The following CDH17 variants were observed in gnomAD, a reference collection of about 807,000 sequenced individuals.
CDH17 encodes the protein cadherin-17.
Under a neutral mutation model 86.3 loss-of-function variants are expected in CDH17, and 67 were observed. The ratio of observed to expected loss-of-function variants is 0.78; its 90% confidence interval spans 0.64 to 0.95. The LOEUF (loss-of-function observed/expected upper bound fraction) is 0.95. Among genes scored for constraint, CDH17 ranks in the 40% least tolerant of loss-of-function variants. CDH17 has a pLI of 0.00. For missense variants in CDH17, 993 were observed against 1,017.6 expected, an observed-to-expected ratio of 0.98 and a Z score of 0.33; for synonymous variants, 367 against 366.4, an observed-to-expected ratio of 1.00 and a Z score of -0.02.
At position 94,127,440 on chromosome 8, in the gene CDH17, T is replaced by G. The variant is rs757286985; in HGVS notation, c.*800A>C. On this transcript the variant is annotated 3_prime_UTR_variant, in exon 18 of 18. Coordinates refer to ENST00000027335, the MANE Select transcript of CDH17 (RefSeq NM_004063.4). ...AGAATTTCAGCCAAAGAGCAACATG[T>G]CACATTGATTAAAGATGGTTAATGA... The G allele has an allele frequency of 3.9e-5, 6 of 152,218 alleles. No individual in the cohort carries two copies. The highest frequency in any genetic ancestry group is 2.1e-4 in the South Asian group (1 of 4,828). 9.4% of individuals were successfully genotyped at this position (152,218 alleles called of 1,614,324 possible).
intron 15 of CDH17, among the ~76,000 whole-genome samples, chr8:94,143,035 A>T (rs78490787): frequency 0.023 from 3,468 of 152,316 alleles, 126 homozygotes; most frequent in African/African-American, 0.08. Context: ...CTGGTGAATC[A>T]TTTCCAGAAG....
intron 1 of CDH17, among the ~76,000 whole-genome samples, chr8:94,196,457 C>G (rs1011230187): frequency 6.6e-6 from 1 of 152,148 alleles, no homozygotes; most frequent in Non-Finnish European, 1.5e-5. Flanking sequence ...AGAAGCCCAG[C>G]ACTTTGGGAG....
At chr8:94,154,139 C>CA (rs1444297703) in intron 12 of CDH17, among the ~76,000 whole-genome samples, 5 of 152,268 alleles carry the variant, frequency 3.3e-5, no homozygotes, top group Non-Finnish European at 7.4e-5. Context: ...TCCTCCTATA[C>CA]AATTTTTGTC....
chr8:94,134,449 G>A (rs1350604701), intron 15 of CDH17, among the ~76,000 whole-genome samples: 1 of 152,176 alleles, frequency 6.6e-6, no homozygotes, highest in African/African-American at 2.4e-5. Context: ...GTGTAGAGGT[G>A]TTTATAGTAT....
At chr8:94,132,328 C>T (rs1351902589) in intron 15 of CDH17, among the ~76,000 whole-genome samples, 2 of 152,198 alleles carry the variant, frequency 1.3e-5, no homozygotes. Context: ...TCCACATCCT[C>T]TCCTGCAACT....
intron 7 of CDH17, among the ~76,000 whole-genome samples, 181 bp from the exon 8 acceptor site, chr8:94,171,166 G>C (rs1813262562): frequency 6.6e-6 from 1 of 152,050 alleles, no homozygotes; most frequent in African/African-American, 2.4e-5. Flanking sequence ...CCCCCACCAA[G>C]TTATATTGCT....
At chr8:94,206,802 T>C (rs1286483154) in intron 1 of CDH17, among the ~76,000 whole-genome samples, 1 of 152,022 alleles carries the variant, frequency 6.6e-6, no homozygotes, top group Non-Finnish European at 1.5e-5. Flanking sequence ...CCATCATGCC[T>C]GGCTAATTTT....
rs751309904 is a variant in CDH17, at chr8:94,130,880, T to C, written c.2280A>G (p.Leu760=). 7.5e-6 allele frequency: 12 copies of C among 1,595,000 alleles called. No individual in the cohort carries two copies. The Admixed American group carries it at 2.0e-4, about 27-fold the overall frequency. The part of the protein sequence containing the change: ...GRPPLEGIVS[L]PVTFCSCVEG... Reference sequence around the variant, plus strand: ...TGCCTATAGCAGAATATCTACCTGGTAAAGAAACAATGCCTTCCAAGGGTG... The same window carrying C: ...TGCCTATAGCAGAATATCTACCTGGCAAAGAAACAATGCCTTCCAAGGGTG... The change falls in exon 16 of 18, where the codon TTA becomes TTG. Residue 760 remains leucine (L), a synonymous_variant. Transcript: ENST00000027335.
Position 94,148,625 on chromosome 8 carries a change from G to GTTGTGATA in CDH17, c.1927+111_1927+118dup, listed in dbSNP as rs1258715084. On this transcript the variant is annotated intron_variant, in intron 14 of 17. Transcript: ENST00000027335. ...ACCCTTCTCATCCTTCCACTTTAAG[G>GTTGTGATA]TTGTGATATTCTGGTGTTTTGGCCC... The GTTGTGATA allele has an allele frequency of 7.4e-6, 5 of 675,086 alleles. No individual in the cohort carries two copies. The Admixed American group carries it at 1.4e-4, about 19-fold the overall frequency. The allele number at this position is 675,086 out of a possible 1,614,324, so 41.8% of individuals were successfully genotyped here.
intron 1 of CDH17, among the ~76,000 whole-genome samples, chr8:94,214,838 T>A (rs904315241): frequency 2.6e-5 from 4 of 152,196 alleles, no homozygotes; most frequent in Non-Finnish European, 5.9e-5. Context: ...AGAAATTTTT[T>A]AAAAGATATA....
intron 1 of CDH17, among the ~76,000 whole-genome samples, chr8:94,206,639 A>T (rs1310601308): frequency 7.7e-6 from 1 of 130,412 alleles, no homozygotes; most frequent in Non-Finnish European, 1.6e-5. Context: ...CATCATCCAG[A>T]TTTTTTTTTT....
intron 9 of CDH17, 84 bp downstream of exon 9, chr8:94,170,313 G>C (rs1813242132): frequency 7.0e-7 from 1 of 1,422,258 alleles, no homozygotes; most frequent in South Asian, 1.3e-5. Flanking sequence ...CTGACTCCCA[G>C]TAAGGTCTCC....
chr8:94,141,576 G>A (rs967225143), intron 15 of CDH17, among the ~76,000 whole-genome samples: 3 of 152,068 alleles, frequency 2.0e-5, no homozygotes, highest in African/African-American at 7.2e-5. Flanking sequence ...CAAGCCTCTA[G>A]AATACAGATC....
At chr8:94,164,554 T>C (rs1219468217) in intron 10 of CDH17, among the ~76,000 whole-genome samples, 1 of 152,202 alleles carries the variant, frequency 6.6e-6, no homozygotes, top group East Asian at 1.9e-4. Flanking sequence ...GGCCTTAATA[T>C]TTGTCAAATT....
chr8:94,145,409 T>G (rs1812721945), intron 15 of CDH17, among the ~76,000 whole-genome samples: 1 of 152,110 alleles, frequency 6.6e-6, no homozygotes, highest in Non-Finnish European at 1.5e-5. Flanking sequence ...TTAGATGAAA[T>G]TATTGAAAAT....
At chr8:94,207,361 C>G (rs1297236714) in intron 1 of CDH17, among the ~76,000 whole-genome samples, 1 of 152,186 alleles carries the variant, frequency 6.6e-6, no homozygotes, top group African/African-American at 2.4e-5. Context: ...ACATAGTAAG[C>G]TCTTTACCTA....
intron 1 of CDH17, among the ~76,000 whole-genome samples, chr8:94,214,958 A>C (rs796611464): frequency 5.3e-5 from 8 of 152,372 alleles, no homozygotes; most frequent in African/African-American, 1.9e-4. Flanking sequence ...TTTCATACCC[A>C]CCAGGACAGC....
chr8:94,176,459 C>A (rs1813375670), intron 5 of CDH17, 82 bp downstream of exon 5: 11 of 1,434,562 alleles, frequency 7.7e-6, no homozygotes, highest in Non-Finnish European at 1.1e-5. Flanking sequence ...GTGACAGCTG[C>A]AGCTATTAGC....
chr8:94,151,872 T>C lies in CDH17; in HGVS notation c.1792A>G (p.Ile598Val), dbSNP rs749726045. The C allele has an allele frequency of 8.1e-6, 13 of 1,614,186 alleles. No individual in the cohort carries two copies. The highest frequency in any genetic ancestry group is 1.1e-5 in the South Asian group (1 of 91,090). ...CCCAGCACTGTTGCCCTTTACCTTA[T>C]GTCCAGACCTTCTGGATCCTTGGCA... ...VTAKDPEGLD[I>V]SYSLRGDTRG... Residue 598 changes from isoleucine (I) to valine (V), a missense_variant, in exon 13 of 18, where the codon ATA (isoleucine) becomes GTA (valine). By Grantham distance (29) the Ile-to-Val change is conservative. Transcript: ENST00000027335.
Sources: allele counts gnomAD v4.1 joint callset (sites outside exome capture counted in the v4.1 genomes callset), GRCh38; gene constraint gnomAD v4.1.1; transcripts MANE v1.5; gene names NCBI Gene and HGNC (gene_info 2026-07-23, HGNC 2026-07-21).